Variants in FBN2 observed in about 807,000 individuals in gnomAD.
The protein encoded by FBN2 is fibrillin-2.
Under a neutral mutation model 355.6 loss-of-function variants are expected in FBN2, and 105 were observed. That is an observed-to-expected ratio of 0.30 (90% CI 0.25 to 0.35). The LOEUF (loss-of-function observed/expected upper bound fraction) is 0.35, where lower values mean the gene tolerates loss of function less well. Ranked by LOEUF, FBN2 falls within the 10% of genes least tolerant of loss-of-function variation. FBN2 has a pLI of 1.00. For missense variants in FBN2, 3,280 were observed against 3,758.7 expected (o/e 0.87, Z 3.33); for synonymous variants, 1,350 against 1,301.2 (o/e 1.04, Z -0.81).
chr5:128,287,009 T>C (rs1470496756), intron 54 of FBN2, among the ~76,000 whole-genome samples, 160 bp from the exon 55 acceptor site: 1 of 152,176 alleles, frequency 6.6e-6, no homozygotes, highest in Non-Finnish European at 1.5e-5. Context: ...ATTCCAGATG[T>C]GTAAGTTTCA....
chr5:128,345,447 G>A lies in FBN2; in HGVS notation c.3127C>T (p.Pro1043Ser). ...AGCGTCTCGTATTCCTTGGTGCCAG[G>A]TTTGGGGCACTCCTCACACTCGGTG... ...WGTECEECPK[P>S]GTKEYETLCP... The change falls in exon 24 of 65, where the codon CCT becomes TCT. Residue 1043 changes from proline (P) to serine (S), a missense_variant. Pro to Ser is a moderately conservative substitution (Grantham distance 74). Transcript: ENST00000262464. 1.9e-6 allele frequency: 3 copies of A among 1,614,096 alleles called. No homozygotes were observed. The highest frequency in any genetic ancestry group is 2.5e-6 in the Non-Finnish European group (3 of 1,179,996).
intron 48 of FBN2, among the ~76,000 whole-genome samples, chr5:128,295,956 T>G (rs1202729026): frequency 6.7e-6 from 1 of 148,346 alleles, no homozygotes; most frequent in Admixed American, 6.7e-5. Flanking sequence ...CCATTCAGTA[T>G]GATATTGGCT....
intron 11 of FBN2, among the ~76,000 whole-genome samples, chr5:128,385,331 A>T (rs553290626): frequency 6.6e-6 from 1 of 152,172 alleles, no homozygotes; most frequent in East Asian, 1.9e-4. Flanking sequence ...GTCTGTGTTA[A>T]TTCATTTAGG....
chr5:128,495,868 T>C (rs1247941088), intron 5 of FBN2, among the ~76,000 whole-genome samples: 4 of 152,080 alleles, frequency 2.6e-5, no homozygotes, highest in African/African-American at 7.2e-5. Flanking sequence ...AGTAATACTC[T>C]GAACATGAAG....
chr5:128,463,751 A>G (rs1325702499), intron 6 of FBN2, among the ~76,000 whole-genome samples: 1 of 152,206 alleles, frequency 6.6e-6, no homozygotes, highest in Admixed American at 6.5e-5. Context: ...CACAGGCCCA[A>G]TAGATAACAT....
At chr5:128,502,905 A>C (rs1755856278) in intron 5 of FBN2, among the ~76,000 whole-genome samples, 1 of 152,174 alleles carries the variant, frequency 6.6e-6, no homozygotes, top group Non-Finnish European at 1.5e-5. Flanking sequence ...TTAGCTTTTA[A>C]CTCTTTGAGA....
chr5:128,324,811 G>C (rs1407153200), intron 34 of FBN2, among the ~76,000 whole-genome samples: 2 of 151,960 alleles, frequency 1.3e-5, no homozygotes, highest in East Asian at 3.9e-4. Context: ...AGTAGAGATG[G>C]GGTTTTGCCA....
intron 7 of FBN2, among the ~76,000 whole-genome samples, chr5:128,442,868 T>C (rs938161218): frequency 6.6e-6 from 1 of 152,066 alleles, no homozygotes; most frequent in Non-Finnish European, 1.5e-5. Flanking sequence ...TATCTGAATA[T>C]GAGGGAAAAA....
At chr5:128,350,720 A>G in intron 21 of FBN2, 148 bp downstream of exon 21, 1 of 910,944 alleles carries the variant, frequency 1.1e-6, no homozygotes. Flanking sequence ...TTTAAGAGGT[A>G]AAAAACATTA....
At chr5:128,433,362 G>A (rs763083712) in intron 7 of FBN2, among the ~76,000 whole-genome samples, 1 of 152,062 alleles carries the variant, frequency 6.6e-6, no homozygotes, top group Non-Finnish European at 1.5e-5. Flanking sequence ...TAATTTTTAC[G>A]ATCCTCTCTT....
chr5:128,349,911 T>G, intron 22 of FBN2, 44 bp downstream of exon 22: 2 of 1,443,890 alleles, frequency 1.4e-6, no homozygotes, highest in Non-Finnish European at 9.8e-7. Flanking sequence ...TTTTACTTAC[T>G]GCTCAAAAGA....
chr5:128,267,795 C>A (rs1320150651), intron 62 of FBN2, among the ~76,000 whole-genome samples: 1 of 152,152 alleles, frequency 6.6e-6, no homozygotes, highest in African/African-American at 2.4e-5. Context: ...ATGATAGTTT[C>A]TTTTGCTGTG....
chr5:128,429,478 A>G (rs1247384453), intron 7 of FBN2, among the ~76,000 whole-genome samples: 1 of 152,206 alleles, frequency 6.6e-6, no homozygotes, highest in Non-Finnish European at 1.5e-5. Flanking sequence ...TGAAATCCAC[A>G]CCATTTTTAA....
intron 5 of FBN2, among the ~76,000 whole-genome samples, chr5:128,496,070 C>A (rs537702176): frequency 1.8e-4 from 28 of 152,054 alleles, no homozygotes; most frequent in African/African-American, 6.0e-4. Flanking sequence ...AAAGAAAGGC[C>A]CAGGCCCAGA....
chr5:128,423,542 G>A (rs1188466900), intron 7 of FBN2, among the ~76,000 whole-genome samples: 1 of 152,108 alleles, frequency 6.6e-6, no homozygotes, highest in African/African-American at 2.4e-5. Context: ...ACAATAAATG[G>A]GGATTATTGC....
At chr5:128,511,343 C>T (rs1756123213) in intron 5 of FBN2, among the ~76,000 whole-genome samples, 1 of 152,202 alleles carries the variant, frequency 6.6e-6, no homozygotes, top group African/African-American at 2.4e-5. Context: ...TCCAGCATTT[C>T]AGACTTTGTA....
chr5:128,298,818 A>C (rs1199098406), intron 48 of FBN2, among the ~76,000 whole-genome samples: 1 of 152,150 alleles, frequency 6.6e-6, no homozygotes. Context: ...TGATCGTCTG[A>C]AGCCTTCTTC....
intron 19 of FBN2, among the ~76,000 whole-genome samples, chr5:128,358,775 A>G (rs1751567029): frequency 6.6e-6 from 1 of 152,116 alleles, no homozygotes; most frequent in Non-Finnish European, 1.5e-5. Context: ...CAGACCACAT[A>G]TAATTCTCCT....
intron 16 of FBN2, among the ~76,000 whole-genome samples, chr5:128,367,993 C>T (rs1465828095): frequency 1.3e-5 from 2 of 152,000 alleles, no homozygotes; most frequent in African/African-American, 2.4e-5. Flanking sequence ...TACAGGAATG[C>T]TTTCCTGTAT....
Sources: allele counts gnomAD v4.1 joint callset (sites outside exome capture counted in the v4.1 genomes callset), GRCh38; gene constraint gnomAD v4.1.1; transcripts MANE v1.5; gene names NCBI Gene and HGNC (gene_info 2026-07-23, HGNC 2026-07-21).